Variants in PTPRR observed in about 807,000 individuals in gnomAD.
PTPRR encodes the protein receptor-type tyrosine-protein phosphatase R.
A neutral mutation model predicts 77.2 loss-of-function variants in PTPRR; 38 were observed. The ratio of observed to expected loss-of-function variants is 0.49; its 90% CI spans 0.38 to 0.65. PTPRR has a LOEUF of 0.65. Ranked by LOEUF, PTPRR falls within the 30% of genes least tolerant of loss-of-function variation. The probability of loss-of-function intolerance (pLI) is 0.00; values close to 1 mark genes in which losing one functional copy is unlikely to be tolerated. For synonymous variants in PTPRR, 299 were observed against 283.1 expected (o/e 1.06, Z -0.57); for missense variants, 744 against 799.2 (o/e 0.93, Z 0.83).
chr12:70,672,817 T>C (rs777162235), intron 10 of PTPRR: 3 of 1,564,324 alleles, frequency 1.9e-6, no homozygotes, highest in Non-Finnish European at 1.7e-6. Context: ...TGAAGTCCAG[T>C]GTGAAATTGA....
intron 6 of PTPRR, among the ~76,000 whole-genome samples, chr12:70,703,331 C>T (rs1235017993): frequency 1.3e-5 from 2 of 152,020 alleles, no homozygotes; most frequent in African/African-American, 4.8e-5. Context: ...CTTCTTAACT[C>T]TTTTGGATCA....
intron 2 of PTPRR, among the ~76,000 whole-genome samples, chr12:70,780,957 C>G (rs1001748691): frequency 6.6e-6 from 1 of 152,176 alleles, no homozygotes; most frequent in African/African-American, 2.4e-5. Context: ...AGCCCAAAGG[C>G]ATTGTCCCTG....
At chr12:70,883,541 G>A (rs1751144427) in intron 2 of PTPRR, among the ~76,000 whole-genome samples, 1 of 152,086 alleles carries the variant, frequency 6.6e-6, no homozygotes, top group African/African-American at 2.4e-5. Context: ...TTAACCTGCA[G>A]ATAATTTCTT....
chr12:70,867,878 T>C (rs910891152), intron 2 of PTPRR, among the ~76,000 whole-genome samples: 13 of 152,074 alleles, frequency 8.5e-5, no homozygotes, highest in South Asian at 2.1e-4. Context: ...TCAGAAATAA[T>C]GCCGCATATC....
At chr12:70,788,831 C>G (rs1028448049) in intron 2 of PTPRR, 8 of 1,524,774 alleles carry the variant, frequency 5.2e-6, no homozygotes, top group Non-Finnish European at 7.0e-6. Flanking sequence ...TGGAAATTGA[C>G]TGCATGTTGT....
At position 70,698,265 on chromosome 12, in the gene PTPRR, T is replaced by C; in HGVS notation, c.1279A>G (p.Asn427Asp). The C allele has an allele frequency of 1.2e-6, 2 of 1,612,386 alleles. No individual in the cohort carries two copies. Among genetic ancestry groups the C allele is most frequent in the African/African-American group, 1.3e-5 (1 of 74,980 alleles). Reference sequence around the variant, plus strand: ...CAAATTATAAAATCAAGAAGCTTACTTGGTAAAATGGTCTTATAGCGATTT... The same window carrying C: ...CAAATTATAAAATCAAGAAGCTTACCTGGTAAAATGGTCTTATAGCGATTT... The part of the protein sequence containing the change: ...TKNRYKTILP[N>D]PLSRVCLRPK... The change falls in exon 8 of 14, where the codon AAT becomes GAT. Residue 427 changes from asparagine (N) to aspartate (D), a missense_variant and splice_region_variant. Coordinates refer to ENST00000283228, the MANE Select transcript of PTPRR (RefSeq NM_002849.4).
At chr12:70,820,574 C>T (rs576280071) in intron 2 of PTPRR, among the ~76,000 whole-genome samples, 8 of 152,324 alleles carry the variant, frequency 5.3e-5, no homozygotes, top group Admixed American at 1.3e-4. Flanking sequence ...AGCTCGTGAT[C>T]TGCACATCTT....
chr12:70,672,538 G>A, intron 10 of PTPRR: 1 of 1,312,018 alleles, frequency 7.6e-7, no homozygotes, highest in Non-Finnish European at 1.1e-6. Context: ...GTGGCTGCTG[G>A]GAAAAACCTT....
At chr12:70,817,743 G>A (rs1891930350) in intron 2 of PTPRR, among the ~76,000 whole-genome samples, 2 of 152,264 alleles carry the variant, frequency 1.3e-5, no homozygotes, top group South Asian at 2.1e-4. Flanking sequence ...AATACTTCAC[G>A]AGATATGTTT....
At chr12:70,684,628 CT>C in intron 9 of PTPRR, 75 bp downstream of exon 9, 1 of 1,062,524 alleles carries the variant, frequency 9.4e-7, no homozygotes, top group Non-Finnish European at 1.4e-6. Flanking sequence ...GCTTAATCTA[CT>C]CTAGGAAAAA....
At chr12:70,759,723 A>G (rs1377975855) in intron 4 of PTPRR, among the ~76,000 whole-genome samples, 1 of 148,902 alleles carries the variant, frequency 6.7e-6, no homozygotes, top group African/African-American at 2.4e-5. Flanking sequence ...AAAGGTATGT[A>G]GATGAAACAA....
chr12:70,674,464 T>C (rs1887367121), intron 10 of PTPRR, among the ~76,000 whole-genome samples: 1 of 152,220 alleles, frequency 6.6e-6, no homozygotes, highest in Admixed American at 6.5e-5. Context: ...GAATTGCAGG[T>C]AATTTACAGT....
chr12:70,716,160 TTATC>T (rs1484077918), intron 6 of PTPRR, among the ~76,000 whole-genome samples: 1 of 152,172 alleles, frequency 6.6e-6, no homozygotes, highest in African/African-American at 2.4e-5. Context: ...TTTACCTCTT[TTATC>T]TATCAGCTTC....
At chr12:70,777,116 C>T (rs968598570) in intron 2 of PTPRR, among the ~76,000 whole-genome samples, 2 of 151,836 alleles carry the variant, frequency 1.3e-5, no homozygotes, top group South Asian at 2.1e-4. Context: ...TTTTGTTCCA[C>T]AACTTGCTTT....
intron 6 of PTPRR, among the ~76,000 whole-genome samples, chr12:70,724,467 T>C (rs1039126488): frequency 2.6e-5 from 4 of 152,194 alleles, no homozygotes; most frequent in African/African-American, 9.7e-5. Context: ...CAGGGCTTGA[T>C]AACGTAATAA....
chr12:70,725,617 G>C (rs1889405676), intron 6 of PTPRR, among the ~76,000 whole-genome samples: 1 of 152,088 alleles, frequency 6.6e-6, no homozygotes, highest in Non-Finnish European at 1.5e-5. Context: ...AGTACCGAGA[G>C]CCAACTTAGG....
At chr12:70,692,014 T>A (rs556206891) in intron 8 of PTPRR, among the ~76,000 whole-genome samples, 43 of 152,292 alleles carry the variant, frequency 2.8e-4, no homozygotes, top group African/African-American at 9.6e-4. Flanking sequence ...CTATAACATA[T>A]AGAATTATAC....
At chr12:70,858,831 A>C (rs1892697677) in intron 2 of PTPRR, among the ~76,000 whole-genome samples, 1 of 152,060 alleles carries the variant, frequency 6.6e-6, no homozygotes. Flanking sequence ...AATGAGTTTT[A>C]GCTGGCAACT....
chr12:70,656,304 A>G (rs1221111295), intron 13 of PTPRR, among the ~76,000 whole-genome samples: 1 of 152,080 alleles, frequency 6.6e-6, no homozygotes, highest in East Asian at 1.9e-4. Flanking sequence ...CCCAAGTGGG[A>G]GATTCACTTG....
Sources: allele counts gnomAD v4.1 joint callset (sites outside exome capture counted in the v4.1 genomes callset), GRCh38; gene constraint gnomAD v4.1.1; transcripts MANE v1.5; gene names NCBI Gene and HGNC (gene_info 2026-07-23, HGNC 2026-07-21).